ATRNL1: variants seen among roughly 807,000 people sequenced by gnomAD.
The protein encoded by ATRNL1 is attractin like 1.
Under a neutral mutation model 182.7 loss-of-function variants are expected in ATRNL1, and 95 were observed. The ratio of observed to expected loss-of-function variants is 0.52; its 90% CI spans 0.44 to 0.62. ATRNL1 has a LOEUF of 0.62. Ranked by LOEUF, ATRNL1 falls within the 20% of genes least tolerant of loss-of-function variation. The pLI is 0.00. For missense variants in ATRNL1, 1,471 were observed against 1,679.5 expected, an observed-to-expected ratio of 0.88 and a Z score of 2.17; for synonymous variants, 576 against 568.3, an observed-to-expected ratio of 1.01 and a Z score of -0.19.
chr10:115,407,813 T>C (rs1348925493), intron 20 of ATRNL1, among the ~76,000 whole-genome samples: 1 of 152,116 alleles, frequency 6.6e-6, no homozygotes, highest in Non-Finnish European at 1.5e-5. Context: ...TTCCATACTG[T>C]TTTCCATACT....
At chr10:115,453,205 A>G (rs954143322) in intron 21 of ATRNL1, among the ~76,000 whole-genome samples, 1 of 152,150 alleles carries the variant, frequency 6.6e-6, no homozygotes, top group Non-Finnish European at 1.5e-5. Flanking sequence ...TTTGATCTGT[A>G]TATACCTAAA....
At chr10:115,284,780 AAT>A (rs1852528441) in intron 14 of ATRNL1, among the ~76,000 whole-genome samples, 1 of 152,206 alleles carries the variant, frequency 6.6e-6, no homozygotes, top group South Asian at 2.1e-4. Flanking sequence ...ATAGCTGTCA[AAT>A]GCCAAATATT....
intron 1 of ATRNL1, among the ~76,000 whole-genome samples, chr10:115,116,185 T>G (rs1284091382): frequency 6.6e-6 from 1 of 152,064 alleles, no homozygotes; most frequent in African/African-American, 2.4e-5. Flanking sequence ...CAATAAAAGT[T>G]CATTTACACA....
chr10:115,293,273 G>A (rs1330019368), intron 15 of ATRNL1, among the ~76,000 whole-genome samples: 1 of 151,894 alleles, frequency 6.6e-6, no homozygotes, highest in Non-Finnish European at 1.5e-5. Flanking sequence ...CTCTTAGGCA[G>A]CATATTGTTA....
chr10:115,295,588 A>G (rs1426518543), intron 15 of ATRNL1, among the ~76,000 whole-genome samples: 1 of 152,114 alleles, frequency 6.6e-6, no homozygotes, highest in African/African-American at 2.4e-5. Flanking sequence ...CCCTGAGTGC[A>G]GGCATGTAGC....
At chr10:115,110,762 T>C (rs1229094286) in intron 1 of ATRNL1, among the ~76,000 whole-genome samples, 1 of 152,246 alleles carries the variant, frequency 6.6e-6, no homozygotes. Context: ...GAAAATTAAA[T>C]TAATTCTTTA....
At chr10:115,826,601 T>C (rs116702067) in intron 27 of ATRNL1, among the ~76,000 whole-genome samples, 4,157 of 152,164 alleles carry the variant, frequency 0.027, 186 homozygotes, top group African/African-American at 0.093. Context: ...CGGGTTCTTG[T>C]CCCATGACTA....
chr10:115,369,395 A>G (rs1429833238), intron 19 of ATRNL1, among the ~76,000 whole-genome samples: 1 of 151,702 alleles, frequency 6.6e-6, no homozygotes, highest in Non-Finnish European at 1.5e-5. Flanking sequence ...GGGATGAGGG[A>G]TTCTGTGAGC....
chr10:115,307,865 A>G (rs1195186449), intron 17 of ATRNL1, among the ~76,000 whole-genome samples: 1 of 152,180 alleles, frequency 6.6e-6, no homozygotes, highest in Admixed American at 6.5e-5. Flanking sequence ...CTTCTTGGCA[A>G]TGGTTTTAGT....
chr10:115,257,391 T>A (rs1851196911), intron 10 of ATRNL1, among the ~76,000 whole-genome samples: 1 of 152,210 alleles, frequency 6.6e-6, no homozygotes, highest in Admixed American at 6.5e-5. Context: ...ATTGGCCTTC[T>A]TTGTCTCTTT....
chr10:115,944,535 C>T lies in ATRNL1; in HGVS notation c.4019-123C>T, dbSNP rs1953827388. On this transcript the variant is annotated intron_variant, in intron 28 of 28. Coordinates refer to ENST00000355044, the MANE Select transcript of ATRNL1 (RefSeq NM_207303.4). ...AAAGGGCAAACTACTTGAAAACTTC[C>T]ATTAACAGCCAAACGTGTGATGACT... is the stretch of plus-strand genomic sequence containing the variant. 3 of 745,436 alleles carry T rather than the reference C, an allele frequency of 4.0e-6. No homozygotes were observed. In the South Asian group the frequency reaches 1.1e-4, roughly 26 times the overall value. The allele number at this position is 745,436 out of a possible 1,614,324, so 46.2% of individuals were successfully genotyped here. A position where few individuals can be genotyped will look rare whatever the true frequency, so the allele number is the denominator to read the frequency against.
intron 1 of ATRNL1, among the ~76,000 whole-genome samples, chr10:115,105,940 A>C (rs563291877): frequency 6.6e-6 from 1 of 152,156 alleles, no homozygotes; most frequent in Non-Finnish European, 1.5e-5. Context: ...CAGAGTCCCT[A>C]CTGGAACATT....
At chr10:115,620,906 G>T (rs2133803773) in intron 26 of ATRNL1, among the ~76,000 whole-genome samples, 1 of 152,064 alleles carries the variant, frequency 6.6e-6, no homozygotes, top group African/African-American at 2.4e-5. Flanking sequence ...CAAATTTTGG[G>T]TAAAGCAGTT....
chr10:115,744,049 C>T (rs945912341), intron 27 of ATRNL1, among the ~76,000 whole-genome samples: 2 of 151,822 alleles, frequency 1.3e-5, no homozygotes, highest in Non-Finnish European at 2.9e-5. Context: ...AAATTTTTTG[C>T]TTATAACTTC....
intron 19 of ATRNL1, among the ~76,000 whole-genome samples, chr10:115,363,237 A>G (rs1270020428): frequency 6.6e-6 from 1 of 152,018 alleles, no homozygotes; most frequent in Non-Finnish European, 1.5e-5. Flanking sequence ...ATGGTATCTC[A>G]TTGTGGTTTT....
chr10:115,799,393 T>C (rs1422198235), intron 27 of ATRNL1, among the ~76,000 whole-genome samples: 1 of 152,172 alleles, frequency 6.6e-6, no homozygotes, highest in Non-Finnish European at 1.5e-5. Flanking sequence ...GAAGGGAACA[T>C]AGAGGCCTCT....
intron 27 of ATRNL1, among the ~76,000 whole-genome samples, chr10:115,804,077 C>T (rs535877093): frequency 3.3e-5 from 5 of 152,100 alleles, no homozygotes; most frequent in Non-Finnish European, 7.4e-5. Context: ...TAACTGTTAT[C>T]ATTACTTCAG....
chr10:115,927,186 G>A (rs1451589950), intron 28 of ATRNL1, among the ~76,000 whole-genome samples: 4 of 152,120 alleles, frequency 2.6e-5, no homozygotes, highest in African/African-American at 4.8e-5. Flanking sequence ...CTCAATAGAT[G>A]CAGAAAAGGC....
rs568359524 is a variant in ATRNL1 at position 115,847,937 on chromosome 10, G to C, written c.3964G>C (p.Val1322Leu). The change falls in exon 28 of 29, where the codon GTG (valine) becomes CTG (leucine). Residue 1322 changes from valine to leucine, a missense_variant. This residue lies in a region of ATRNL1 where 437 missense variants were observed against 506.0 expected (regional missense o/e 0.86). Coordinates refer to ENST00000355044, the MANE Select transcript of ATRNL1 (RefSeq NM_207303.4). ...TGGGAACAGAGCTGCTGTTCTGACT[G>C]TGTTTCTTTGTCTACCACGAGGATC... ...CAGNRAAVLT[V>L]FLCLPRGSSG... 1.2e-6 allele frequency: 2 copies of C among 1,612,994 alleles called. No homozygotes were observed. The highest frequency in any genetic ancestry group is 4.5e-5 in the East Asian group (2 of 44,862).
Sources: allele counts gnomAD v4.1 joint callset (sites outside exome capture counted in the v4.1 genomes callset), GRCh38; gene constraint gnomAD v4.1.1; regional missense constraint gnomAD v4.1.1; transcripts MANE v1.5; gene names NCBI Gene and HGNC (gene_info 2026-07-23, HGNC 2026-07-21).